Variants in CDK6 observed in about 807,000 individuals in gnomAD.
The protein encoded by CDK6 is cyclin dependent kinase 6, also known as cyclin-dependent kinase 6.
Under a neutral mutation model 37.1 loss-of-function variants are expected in CDK6, and 6 were observed. That is an observed-to-expected ratio of 0.16 (90% CI 0.09 to 0.32). The LOEUF (loss-of-function observed/expected upper bound fraction) is 0.32, where lower values mean the gene tolerates loss of function less well. CDK6 is among the 10% of genes least tolerant of loss of function. The pLI, the probability that CDK6 is intolerant of heterozygous loss-of-function variation, is 1.00. For missense variants in CDK6, 224 were observed against 418.9 expected (o/e 0.53, Z 4.06); for synonymous variants, 160 against 161.3 (o/e 0.99, Z 0.06).
intron 4 of CDK6, among the ~76,000 whole-genome samples, chr7:92,708,149 C>G (rs151077622): frequency 6.6e-5 from 10 of 152,040 alleles, no homozygotes; most frequent in African/African-American, 2.4e-4. Context: ...TTCTTTGAAA[C>G]CCCAGTTTGA....
intron 4 of CDK6, among the ~76,000 whole-genome samples, chr7:92,688,791 A>G (rs1271265449): frequency 6.6e-6 from 1 of 152,166 alleles, no homozygotes; most frequent in Non-Finnish European, 1.5e-5. Context: ...TTATACACTA[A>G]ACATAGAACC....
At chr7:92,796,676 A>C (rs751618309) in intron 2 of CDK6, among the ~76,000 whole-genome samples, 228 of 151,846 alleles carry the variant, frequency 1.5e-3, no homozygotes, top group Non-Finnish European at 2.0e-3. Context: ...ATCAAAATTC[A>C]AAAAAAACCC....
intron 2 of CDK6, among the ~76,000 whole-genome samples, chr7:92,818,680 T>C (rs1363475623): frequency 6.6e-6 from 1 of 152,038 alleles, no homozygotes; most frequent in Non-Finnish European, 1.5e-5. Flanking sequence ...GAAGAAAATA[T>C]TTGTAATCCA....
chr7:92,699,463 T>A lies in CDK6; in HGVS notation c.537+26163A>T, dbSNP rs1446369338. Among the ~76,000 whole-genome samples the A allele has an allele frequency of 4.6e-5, 7 of 152,244 alleles. No homozygotes were observed. The East Asian group carries it at 1.2e-3, about 25-fold the overall frequency. ...TTAAGTTCTTTCAACTATTTACATT[T>A]TTCTACTAAACCAAATTCTCCTCAA... On this transcript the variant is annotated intron_variant, in intron 4 of 7. Transcript: ENST00000424848.
chr7:92,688,685 A>G (rs1797527265), intron 4 of CDK6, among the ~76,000 whole-genome samples: 2 of 151,476 alleles, frequency 1.3e-5, no homozygotes, highest in South Asian at 4.2e-4. Flanking sequence ...AGTATTCTGA[A>G]ATGTTTGTTT....
At chr7:92,753,427 A>C (rs1239788067) in intron 3 of CDK6, among the ~76,000 whole-genome samples, 1 of 152,220 alleles carries the variant, frequency 6.6e-6, no homozygotes, top group Non-Finnish European at 1.5e-5. Context: ...TCTACACATT[A>C]TTTTGAGAAA....
intron 3 of CDK6, among the ~76,000 whole-genome samples, chr7:92,767,738 AC>A (rs1799617602): frequency 6.6e-6 from 1 of 151,524 alleles, no homozygotes. Context: ...AAATTTCAAA[AC>A]TCTCAGTATG....
chr7:92,833,882 C>T lies in CDK6; in HGVS notation c.-367-192G>A, dbSNP rs910521553. 2 of 398,800 alleles carry T rather than the reference C, an allele frequency of 5.0e-6. No individual in the cohort carries two copies. Among genetic ancestry groups the T allele is most frequent in the Non-Finnish European group, 8.8e-6 (2 of 226,304 alleles). 24.7% of individuals were successfully genotyped at this position (398,800 alleles called of 1,614,324 possible). On this transcript the variant is annotated intron_variant, in intron 1 of 7. Coordinates refer to ENST00000424848, the MANE Select transcript of CDK6 (RefSeq NM_001145306.2). This position sits in a 1 kb window ranked among gnomAD's most constrained non-coding sequence, Gnocchi z 6.1. ...AGAAAAGCGAAGTTACTTTTCTTTC[C>T]CTGCAGGGCTGAAGCCGTCTTCGCG...
chr7:92,794,422 CA>C (rs911062350), intron 2 of CDK6, among the ~76,000 whole-genome samples: 2 of 152,110 alleles, frequency 1.3e-5, no homozygotes, highest in African/African-American at 4.8e-5. Flanking sequence ...TACCCCATCC[CA>C]TGGCTTATTA....
intron 2 of CDK6, among the ~76,000 whole-genome samples, chr7:92,785,762 CT>C (rs1800114702): frequency 1.3e-5 from 2 of 152,082 alleles, no homozygotes; most frequent in Non-Finnish European, 2.9e-5. Context: ...GATGGGGAGA[CT>C]TTGTGACAAA....
chr7:92,656,125 G>A (rs867369070), intron 5 of CDK6, among the ~76,000 whole-genome samples: 10 of 152,280 alleles, frequency 6.6e-5, no homozygotes, highest in Middle Eastern at 6.8e-3. Flanking sequence ...AGGAAGAGAA[G>A]GAGGAGAACA....
chr7:92,712,004 C>A (rs552329689), intron 4 of CDK6, among the ~76,000 whole-genome samples: 1 of 151,822 alleles, frequency 6.6e-6, no homozygotes, highest in Non-Finnish European at 1.5e-5. Flanking sequence ...TTGGCTAACA[C>A]GGTGAACCCT....
At position 92,787,185 on chromosome 7, in the gene CDK6, C is replaced by CAAA. The variant is rs761038672; in HGVS notation, c.234-12357_234-12355dup. On this transcript the variant is annotated intron_variant, in intron 2 of 7. Transcript: ENST00000424848. Reference sequence around the variant, plus strand: ...CAACAGAGTAAGTGAGACTCCATCACAAAAAAAAAAAAAAAAAAAAAAAAT... The same window carrying CAAA: ...CAACAGAGTAAGTGAGACTCCATCACAAAAAAAAAAAAAAAAAAAAAAAAAAAT... 4.3e-3 allele frequency among the ~76,000 whole-genome samples: 152 copies of CAAA among 35,028 alleles called. 1 individual carries two copies. The highest frequency in any genetic ancestry group is 7.2e-3 in the East Asian group (10 of 1,386). 23.0% of individuals were successfully genotyped at this position (35,028 alleles called of 152,430 possible). A position where few individuals can be genotyped will look rare whatever the true frequency, so the allele number is the denominator to read the frequency against.
intron 2 of CDK6, among the ~76,000 whole-genome samples, chr7:92,792,254 C>A (rs1778379422): frequency 6.6e-6 from 1 of 152,142 alleles, no homozygotes; most frequent in Non-Finnish European, 1.5e-5. Context: ...AAGATCCCTG[C>A]TCTCTTAGAA....
intron 3 of CDK6, among the ~76,000 whole-genome samples, chr7:92,735,253 T>A (rs1452376194): frequency 6.6e-6 from 1 of 152,226 alleles, no homozygotes; most frequent in Non-Finnish European, 1.5e-5. Flanking sequence ...GTACAGATTT[T>A]TTATTTCATT....
rs1381117462 is a variant in CDK6, at chr7:92,607,384, A to G, written c.*7756T>C. 1 of 233,076 alleles carries G rather than the reference A, an allele frequency of 4.3e-6. No homozygotes were observed. The highest frequency in any genetic ancestry group is 2.2e-5 in the African/African-American group (1 of 45,318). The allele number at this position is 233,076 out of a possible 1,614,324, so 14.4% of individuals were successfully genotyped here. A position where few individuals can be genotyped will look rare whatever the true frequency, so the allele number is the denominator to read the frequency against. On this transcript the variant is annotated 3_prime_UTR_variant, in exon 8 of 8. Transcript: ENST00000424848. Reference sequence around the variant, plus strand: ...TCTACCTTTAGTTTTTATTTTTGCTATATTTTTGCACTCTACTATATGCAT... The same window carrying G: ...TCTACCTTTAGTTTTTATTTTTGCTGTATTTTTGCACTCTACTATATGCAT...
At chr7:92,662,056 G>GGGCATGATTTGACTCTTACGA (rs1270135712) in intron 5 of CDK6, among the ~76,000 whole-genome samples, 2 of 152,270 alleles carry the variant, frequency 1.3e-5, no homozygotes, top group Admixed American at 1.3e-4. Context: ...GGAGAGACAA[G>GGGCATGATTTGACTCTTACGA]GGCATGATTT....
intron 3 of CDK6, among the ~76,000 whole-genome samples, chr7:92,755,732 A>G (rs922708406): frequency 2.0e-5 from 3 of 152,194 alleles, no homozygotes; most frequent in East Asian, 1.9e-4. Flanking sequence ...CTCCTAAGGT[A>G]TAAGTTGGGG....
At position 92,833,045 on chromosome 7, in the gene CDK6, G is replaced by A. The variant is rs1481633589; in HGVS notation, c.233+46C>T. ...GAGGATTCCCGGCTCGGCCCTCCCC[G>A]CGCGCGCGAGGCCCCAGATGGCGAG... is the stretch of plus-strand genomic sequence containing the variant. On this transcript the variant is annotated intron_variant, in intron 2 of 7. Coordinates refer to ENST00000424848, the MANE Select transcript of CDK6 (RefSeq NM_001145306.2). This position sits in a 1 kb window ranked among gnomAD's most constrained non-coding sequence, Gnocchi z 6.1. The A allele has an allele frequency of 7.2e-7, 1 of 1,380,314 alleles. No individual in the cohort carries two copies. 85.5% of individuals were successfully genotyped at this position (1,380,314 alleles called of 1,614,324 possible).
Sources: gnomAD v4.1 joint callset for allele counts (sites outside exome capture counted in the v4.1 genomes callset) on GRCh38, gnomAD v4.1.1 for gene constraint, Gnocchi (gnomAD v3.1) non-coding constraint, MANE v1.5 for transcripts, NCBI Gene and HGNC (gene_info 2026-07-23, HGNC 2026-07-21) for gene names.